Variants in IL19 observed in about 807,000 individuals in gnomAD.
IL19 encodes interleukin 19, also known as interleukin-19.
Under a neutral mutation model 19.5 loss-of-function variants are expected in IL19, and 15 were observed. That is an observed-to-expected ratio of 0.77 (90% confidence interval 0.52 to 1.19). The LOEUF (loss-of-function observed/expected upper bound fraction) is 1.19, where lower values mean the gene tolerates loss of function less well. Ranked by LOEUF, IL19 falls within the 50% of genes most tolerant of loss-of-function variation. IL19 has a pLI of 0.00. For synonymous variants in IL19, 78 were observed against 78.3 expected, an observed-to-expected ratio of 1.00 and a Z score of 0.02; for missense variants, 199 against 213.1, an observed-to-expected ratio of 0.93 and a Z score of 0.41.
intron 1 of IL19, among the ~76,000 whole-genome samples, chr1:206,790,381 T>C (rs1042150793): frequency 2.0e-5 from 3 of 152,128 alleles, no homozygotes; most frequent in African/African-American, 7.2e-5. Context: ...TTTCTGTCTC[T>C]GATTGTGGCC....
At chr1:206,795,927 A>ATATGTG (rs1553439245) in intron 1 of IL19, among the ~76,000 whole-genome samples, 110 of 133,612 alleles carry the variant, frequency 8.2e-4, no homozygotes, top group Admixed American at 1.3e-3. Flanking sequence ...AAATATATAT[A>ATATGTG]TGTGTGTGTG....
chr1:206,796,382 G>C (rs1675523106), intron 1 of IL19, among the ~76,000 whole-genome samples: 1 of 152,124 alleles, frequency 6.6e-6, no homozygotes, highest in Admixed American at 6.5e-5. Context: ...GATTCAGTCA[G>C]GTTGACCATA....
chr1:206,781,969 ATG>A (rs1558606407), intron 1 of IL19, among the ~76,000 whole-genome samples: 3 of 66,878 alleles, frequency 4.5e-5, no homozygotes, highest in African/African-American at 4.9e-5. Context: ...ATATATGTAT[ATG>A]TTATATATAC....
chr1:206,822,411 C>G (rs1021284066), intron 2 of IL19, among the ~76,000 whole-genome samples: 3 of 152,152 alleles, frequency 2.0e-5, no homozygotes, highest in Non-Finnish European at 4.4e-5. Flanking sequence ...TGCTCCTCTT[C>G]CATGTCTCAG....
chr1:206,777,451 G>A (rs1675039671), intron 1 of IL19, among the ~76,000 whole-genome samples: 1 of 151,652 alleles, frequency 6.6e-6, no homozygotes, highest in South Asian at 2.1e-4. Context: ...CTACTCTCAT[G>A]CTAAGCAAAA....
intron 2 of IL19, among the ~76,000 whole-genome samples, chr1:206,808,957 G>C (rs1675930112): frequency 6.6e-6 from 1 of 152,202 alleles, no homozygotes; most frequent in Non-Finnish European, 1.5e-5. Context: ...CTGTATGACA[G>C]AGAAGGAAGG....
intron 1 of IL19, among the ~76,000 whole-genome samples, chr1:206,777,406 C>CA (rs761553258): frequency 0.085 from 4,556 of 53,522 alleles, 137 homozygotes; most frequent in African/African-American, 0.12. Context: ...GACTCCGTCT[C>CA]AAAAAAAAAA....
At chr1:206,826,609 T>G (rs1036468698) in intron 2 of IL19, among the ~76,000 whole-genome samples, 1 of 152,246 alleles carries the variant, frequency 6.6e-6, no homozygotes, top group Non-Finnish European at 1.5e-5. Flanking sequence ...CCCAGGGCTC[T>G]GGGGTGAAGC....
At chr1:206,837,644 C>T (rs1055824443) in intron 4 of IL19, among the ~76,000 whole-genome samples, 1 of 151,754 alleles carries the variant, frequency 6.6e-6, no homozygotes, top group Admixed American at 6.6e-5. Context: ...GAGATCGGGG[C>T]TTGAGACCAG....
intron 1 of IL19, among the ~76,000 whole-genome samples, chr1:206,774,512 T>A (rs1388567631): frequency 6.6e-6 from 1 of 152,096 alleles, no homozygotes; most frequent in Non-Finnish European, 1.5e-5. Context: ...CTGAGCTGGG[T>A]GTTCCAGAAG....
intron 2 of IL19, among the ~76,000 whole-genome samples, chr1:206,815,137 G>A (rs1376951801): frequency 6.6e-6 from 1 of 152,136 alleles, no homozygotes; most frequent in Non-Finnish European, 1.5e-5. Flanking sequence ...CCAGAGCAGT[G>A]GGCTGTGAAC....
At chr1:206,809,636 T>C (rs1675948658) in intron 2 of IL19, among the ~76,000 whole-genome samples, 1 of 152,198 alleles carries the variant, frequency 6.6e-6, no homozygotes, top group South Asian at 2.1e-4. Context: ...CTTGATCTAC[T>C]GTAAGTAGCA....
At chr1:206,813,471 C>A (rs988096948) in intron 2 of IL19, among the ~76,000 whole-genome samples, 2 of 152,154 alleles carry the variant, frequency 1.3e-5, no homozygotes, top group East Asian at 3.9e-4. Flanking sequence ...CAATAGCCAG[C>A]CAGTGTCTCT....
At chr1:206,801,392 AC>A (rs1485900486) in intron 2 of IL19, among the ~76,000 whole-genome samples, 1 of 152,104 alleles carries the variant, frequency 6.6e-6, no homozygotes, top group Non-Finnish European at 1.5e-5. Flanking sequence ...AACTTCCTGG[AC>A]CTTTCCCTGG....
chr1:206,832,789 G>A (rs983054899), intron 2 of IL19, among the ~76,000 whole-genome samples: 3 of 152,224 alleles, frequency 2.0e-5, no homozygotes, highest in African/African-American at 7.2e-5. Context: ...GAACTACGTT[G>A]TGAACCACTA....
intron 2 of IL19, chr1:206,834,259 C>A: frequency 1.0e-6 from 1 of 985,356 alleles, no homozygotes; most frequent in Non-Finnish European, 1.2e-6. Flanking sequence ...GGGGAAAAAA[C>A]AATCTCCCCA....
intron 2 of IL19, among the ~76,000 whole-genome samples, chr1:206,820,749 G>T (rs983063812): frequency 5.3e-5 from 8 of 152,322 alleles, no homozygotes; most frequent in South Asian, 2.1e-4. Context: ...GCACAATGAG[G>T]TTCCTCTAGC....
Position 206,841,090 on chromosome 1 carries a change from G to A in IL19, c.438+12G>A, listed in dbSNP as rs1238333898. On this transcript the variant is annotated intron_variant, in intron 6 of 6. Transcript: ENST00000659997. ...ACAACTATGATCAGGTAAGATCTGG[G>A]AAGAGGTTGGGGAAGATGGAAGATG... is the stretch of plus-strand genomic sequence containing the variant. The A allele has an allele frequency of 1.9e-6, 3 of 1,611,134 alleles. No individual in the cohort carries two copies. The highest frequency in any genetic ancestry group is 1.3e-5 in the African/African-American group (1 of 75,018).
intron 2 of IL19, among the ~76,000 whole-genome samples, chr1:206,828,697 A>C (rs779182039): frequency 6.6e-6 from 1 of 152,162 alleles, no homozygotes; most frequent in Non-Finnish European, 1.5e-5. Context: ...TCAGGAGTTA[A>C]AGAATAAAGA....
Sources: allele counts gnomAD v4.1 joint callset (sites outside exome capture counted in the v4.1 genomes callset), GRCh38; gene constraint gnomAD v4.1.1; transcripts MANE v1.5; gene names NCBI Gene and HGNC (gene_info 2026-07-23, HGNC 2026-07-21).